KLHL22: variants seen among roughly 807,000 people sequenced by gnomAD.
The protein encoded by KLHL22 is kelch like family member 22.
KLHL22 carries 18 observed loss-of-function variants against 60.7 expected under a neutral mutation model. The ratio of observed to expected loss-of-function variants is 0.30; its 90% CI spans 0.20 to 0.44. The LOEUF (loss-of-function observed/expected upper bound fraction) is 0.44. KLHL22 is among the 20% of genes least tolerant of loss of function. The pLI is 1.00. For synonymous variants in KLHL22, 355 were observed against 354.5 expected (o/e 1.00, Z -0.01); for missense variants, 596 against 852.3 (o/e 0.70, Z 3.74).
intron 2 of KLHL22, among the ~76,000 whole-genome samples, chr22:20,477,161 G>A (rs1014843935): frequency 6.6e-6 from 1 of 151,860 alleles, no homozygotes; most frequent in Non-Finnish European, 1.5e-5. Flanking sequence ...GGGAGGCCGA[G>A]GTGGGCAGAT....
intron 5 of KLHL22, chr22:20,451,099 C>A: frequency 6.8e-7 from 1 of 1,475,198 alleles, no homozygotes; most frequent in Middle Eastern, 1.7e-4. Flanking sequence ...AGTGTCCCTA[C>A]ATGACCAGAT....
intron 2 of KLHL22, among the ~76,000 whole-genome samples, chr22:20,476,154 A>ATC (rs1331692260): frequency 6.6e-6 from 1 of 152,162 alleles, no homozygotes; most frequent in East Asian, 1.9e-4. Flanking sequence ...CTTCCTACAG[A>ATC]TCTGGCACAT....
chr22:20,470,792 ATG>A lies in KLHL22; in HGVS notation c.393+556_393+557del, dbSNP rs2053310060. Among the ~76,000 whole-genome samples the A allele has an allele frequency of 5.6e-5, 8 of 143,920 alleles. No homozygotes were observed. The East Asian group carries it at 1.2e-3, about 21-fold the overall frequency. 94.4% of individuals were successfully genotyped at this position (143,920 alleles called of 152,430 possible). ...CATGCATGGATGGATGGATAGATGGATGGATGGATGGATGGATGGATGGATGG... is the reference window on the plus strand; with the variant it reads ...CATGCATGGATGGATGGATAGATGGAGATGGATGGATGGATGGATGGATGG... On this transcript the variant is annotated intron_variant, in intron 3 of 6. Transcript: ENST00000328879.
intron 5 of KLHL22, chr22:20,450,019 C>A (rs2146178194): frequency 3.2e-6 from 2 of 617,204 alleles, no homozygotes; most frequent in Non-Finnish European, 5.9e-6. Context: ...GCACCCCACT[C>A]CATCCCCACA....
intron 2 of KLHL22, among the ~76,000 whole-genome samples, chr22:20,480,272 GT>G (rs1394800702): frequency 6.6e-6 from 1 of 152,158 alleles, no homozygotes; most frequent in African/African-American, 2.4e-5. Context: ...CTGGAGATCT[GT>G]TTCGTAATAA....
chr22:20,470,284 G>A (rs532908052), intron 3 of KLHL22, among the ~76,000 whole-genome samples: 1 of 151,830 alleles, frequency 6.6e-6, no homozygotes, highest in Non-Finnish European at 1.5e-5. Flanking sequence ...AGGAGGTGGA[G>A]GCTACAGTGA....
chr22:20,467,632 G>A (rs761927710), intron 3 of KLHL22, among the ~76,000 whole-genome samples: 2 of 152,168 alleles, frequency 1.3e-5, no homozygotes, highest in African/African-American at 2.4e-5. Context: ...CATTACACAT[G>A]GAATAATTCT....
chr22:20,470,245 A>C (rs2053293120), intron 3 of KLHL22, among the ~76,000 whole-genome samples: 2 of 152,000 alleles, frequency 1.3e-5, no homozygotes, highest in African/African-American at 4.8e-5. Context: ...GCTACTCAGA[A>C]GGCTGAGGCG....
chr22:20,488,851 TAA>T, intron 2 of KLHL22, 132 bp downstream of exon 2: 1 of 776,182 alleles, frequency 1.3e-6, no homozygotes, highest in South Asian at 1.8e-5. Context: ...ACTTGTTGAC[TAA>T]GTCATAGCCA....
At position 20,442,049 on chromosome 22, in the gene KLHL22, C is replaced by T; in HGVS notation, c.*24G>A. On this transcript the variant is annotated 3_prime_UTR_variant, in exon 7 of 7. Transcript: ENST00000328879. ...TGCCCTGCAGCCCCAGCCTCCCTTC[C>T]CTCTGATGCCAGGCACAGGGAGCCT... 6.7e-7 allele frequency: 1 copy of T among 1,491,428 alleles called. No individual in the cohort carries two copies. Among genetic ancestry groups the T allele is most frequent in the Non-Finnish European group, 8.9e-7 (1 of 1,120,126 alleles). 92.4% of individuals were successfully genotyped at this position (1,491,428 alleles called of 1,614,324 possible).
At chr22:20,480,423 C>T (rs62219870) in intron 2 of KLHL22, among the ~76,000 whole-genome samples, 30,012 of 152,082 alleles carry the variant, frequency 0.2, 3,843 homozygotes, top group Non-Finnish European at 0.29. Flanking sequence ...ATCGACAGCA[C>T]GGAACACTCC....
rs1362962662 is a variant in KLHL22 at position 20,487,408 on chromosome 22, G to T, written c.227+1577C>A. On this transcript the variant is annotated intron_variant, in intron 2 of 6. Transcript: ENST00000328879. Reference sequence around the variant, plus strand: ...AATTTTTTTTTTTTTTTTTAGTAGAGACAGGGTTTCACCATGTTGGCCAGG... The same window carrying T: ...AATTTTTTTTTTTTTTTTTAGTAGATACAGGGTTTCACCATGTTGGCCAGG... 8.9e-5 allele frequency among the ~76,000 whole-genome samples: 13 copies of T among 146,436 alleles called. No individual in the cohort carries two copies. The Admixed American group carries it at 8.9e-4, about 10-fold the overall frequency.
At chr22:20,494,472 C>T (rs1044915396) in intron 1 of KLHL22, among the ~76,000 whole-genome samples, 2 of 152,116 alleles carry the variant, frequency 1.3e-5, no homozygotes, top group Admixed American at 6.6e-5. Context: ...CCTTCATCTC[C>T]TGGGTTCAAG....
chr22:20,488,908 G>A, intron 2 of KLHL22, 77 bp downstream of exon 2: 1 of 1,408,736 alleles, frequency 7.1e-7, no homozygotes, highest in Non-Finnish European at 9.7e-7. Context: ...ACCAGCCACT[G>A]TCACCGCCAG....
At chr22:20,481,476 G>A (rs920852733) in intron 2 of KLHL22, among the ~76,000 whole-genome samples, 9 of 152,124 alleles carry the variant, frequency 5.9e-5, no homozygotes, top group Non-Finnish European at 1.2e-4. Flanking sequence ...AGGAAGCTGA[G>A]GTGGGAGAAT....
At chr22:20,486,174 A>G (rs1250796805) in intron 2 of KLHL22, among the ~76,000 whole-genome samples, 2 of 151,722 alleles carry the variant, frequency 1.3e-5, no homozygotes, top group African/African-American at 4.8e-5. Flanking sequence ...CTCAAAAAAA[A>G]AAAAAAAAAA....
chr22:20,471,581 G>A (rs528836313), intron 2 of KLHL22, 66 bp from the exon 3 acceptor site: 2 of 1,547,220 alleles, frequency 1.3e-6, no homozygotes, highest in East Asian at 2.3e-5. Flanking sequence ...GTTGCCAAGA[G>A]TGACAGCATT....
intron 5 of KLHL22, among the ~76,000 whole-genome samples, chr22:20,457,466 C>T (rs1217674500): frequency 1.3e-5 from 2 of 152,116 alleles, no homozygotes; most frequent in Admixed American, 6.5e-5. Context: ...GTCTCAGCTG[C>T]ACAAAGAGCA....
intron 2 of KLHL22, chr22:20,483,248 T>G: frequency 1.4e-6 from 1 of 693,348 alleles, no homozygotes. Context: ...CCAACCTCAG[T>G]GGACTGCATG....
Sources: allele counts gnomAD v4.1 joint callset (sites outside exome capture counted in the v4.1 genomes callset), GRCh38; gene constraint gnomAD v4.1.1; transcripts MANE v1.5; gene names NCBI Gene and HGNC (gene_info 2026-07-23, HGNC 2026-07-21).